Variants in DNMT1 observed in about 807,000 individuals in gnomAD.
The protein encoded by DNMT1 is DNA (cytosine-5)-methyltransferase 1.
DNMT1 carries 24 observed loss-of-function variants against 205.3 expected under a neutral mutation model. The ratio of observed to expected loss-of-function variants is 0.12; its 90% CI spans 0.08 to 0.16. DNMT1 has a LOEUF of 0.16. DNMT1 is among the 10% of genes least tolerant of loss of function. The probability of loss-of-function intolerance (pLI) is 1.00; values close to 1 mark genes in which losing one functional copy is unlikely to be tolerated. For synonymous variants in DNMT1, 817 were observed against 839.8 expected (o/e 0.97, Z 0.47); for missense variants, 1,293 against 2,177.7 (o/e 0.59, Z 8.09).
chr19:10,153,577 C>T (rs550357803), intron 22 of DNMT1, among the ~76,000 whole-genome samples: 2 of 149,988 alleles, frequency 1.3e-5, no homozygotes, highest in Non-Finnish European at 3.0e-5. Context: ...GCGGAGGTTA[C>T]GGTGAGCTGA....
intron 9 of DNMT1, 84 bp from the exon 10 acceptor site, chr19:10,168,448 C>A: frequency 7.1e-7 from 1 of 1,413,032 alleles, no homozygotes; most frequent in Non-Finnish European, 1.0e-6. Flanking sequence ...AAATAAAACA[C>A]CTGAACTGAT....
Position 10,146,671 on chromosome 19 carries a change from C to CTTTGTGTTGACAT in DNMT1, c.2721-160_2721-148dup, listed in dbSNP as rs2038211066. 9.5e-7 allele frequency: 1 copy of CTTTGTGTTGACAT among 1,048,810 alleles called. No individual in the cohort carries two copies. The highest frequency in any genetic ancestry group is 2.6e-5 in the East Asian group (1 of 38,710). The allele number at this position is 1,048,810 out of a possible 1,614,324, so 65.0% of individuals were successfully genotyped here. On this transcript the variant is annotated intron_variant, in intron 27 of 40. Transcript: ENST00000359526. The surrounding 1 kb of genome is among the most constrained non-coding windows in gnomAD (Gnocchi z 4.4). ...AGAAGGAAGAGGTGGCTTTCTTGTG[C>CTTTGTGTTGACAT]TTTGTGTTGACATTTTGAAGGCACT...
chr19:10,135,648 GA>G, intron 39 of DNMT1, 87 bp downstream of exon 39: 1 of 1,421,670 alleles, frequency 7.0e-7, no homozygotes, highest in Non-Finnish European at 9.6e-7. Flanking sequence ...CGTCCTCCCG[GA>G]AGTGACTGCG....
At chr19:10,188,385 C>G (rs144778381) in intron 1 of DNMT1, among the ~76,000 whole-genome samples, 3,032 of 152,102 alleles carry the variant, frequency 0.02, 46 homozygotes, top group Non-Finnish European at 0.028. Context: ...ACTAAAAATA[C>G]AAAAATTAAC....
At chr19:10,190,450 G>T (rs1211493827) in intron 1 of DNMT1, among the ~76,000 whole-genome samples, 4 of 152,100 alleles carry the variant, frequency 2.6e-5, no homozygotes, top group African/African-American at 9.7e-5. Flanking sequence ...AAGCCTAGCT[G>T]TCTGAGAGCA....
intron 11 of DNMT1, among the ~76,000 whole-genome samples, chr19:10,163,654 C>T (rs985687337): frequency 7.2e-5 from 11 of 152,216 alleles, no homozygotes; most frequent in Admixed American, 5.9e-4. Flanking sequence ...TTGCTGACCA[C>T]GTGGTCTGTG....
Position 10,133,599 on chromosome 19 carries a change from T to TA in DNMT1, c.*67dup. The TA allele has an allele frequency of 6.5e-7, 1 of 1,540,962 alleles. No homozygotes were observed. Among genetic ancestry groups the TA allele is most frequent in the Non-Finnish European group, 8.8e-7 (1 of 1,133,540 alleles). ...CATGTGAACGGACAGATTGACATGTTAAAAACACAACATCAGTGCATGTTG... is the reference window on the plus strand; with the variant it reads ...CATGTGAACGGACAGATTGACATGTTAAAAAACACAACATCAGTGCATGTTG... On this transcript the variant is annotated 3_prime_UTR_variant, in exon 41 of 41. Transcript: ENST00000359526. This position sits in a 1 kb window ranked among gnomAD's most constrained non-coding sequence, Gnocchi z 4.1.
At chr19:10,165,096 T>C (rs1391761044) in intron 11 of DNMT1, among the ~76,000 whole-genome samples, 1 of 151,306 alleles carries the variant, frequency 6.6e-6, no homozygotes, top group Non-Finnish European at 1.5e-5. Flanking sequence ...CAAAACCCTA[T>C]CTCTACAAAA....
intron 22 of DNMT1, among the ~76,000 whole-genome samples, chr19:10,152,349 C>A (rs1353057820): frequency 1.3e-5 from 2 of 150,718 alleles, no homozygotes; most frequent in Admixed American, 1.3e-4. Context: ...TTAGGCTGGG[C>A]ATGGTGGCTC....
chr19:10,157,022 G>C (rs1286380194), intron 17 of DNMT1, among the ~76,000 whole-genome samples: 2 of 152,148 alleles, frequency 1.3e-5, no homozygotes, highest in Non-Finnish European at 2.9e-5. Flanking sequence ...ATGTGTGTCT[G>C]CAACAGCAAC....
intron 6 of DNMT1, among the ~76,000 whole-genome samples, chr19:10,176,484 T>A (rs1165149840): frequency 6.6e-6 from 1 of 152,178 alleles, no homozygotes; most frequent in African/African-American, 2.4e-5. Context: ...AAAACGTAAA[T>A]ACCAACTATA....
chr19:10,175,128 C>CACAT (rs1367311326), intron 7 of DNMT1, among the ~76,000 whole-genome samples: 36 of 100,662 alleles, frequency 3.6e-4, no homozygotes, highest in Non-Finnish European at 5.6e-4. Flanking sequence ...CACACACACA[C>CACAT]ATATATATAA....
intron 9 of DNMT1, among the ~76,000 whole-genome samples, chr19:10,170,797 T>C (rs1263043714): frequency 6.6e-6 from 1 of 152,072 alleles, no homozygotes; most frequent in African/African-American, 2.4e-5. Context: ...GTTTTGTTTG[T>C]TTGTTTGTTT....
Position 10,138,409 on chromosome 19 carries a change from G to A in DNMT1, c.4115+30C>T, listed in dbSNP as rs771522177. ...ATGAGCTACTGAGGCCTGCTCGGCA[G>A]TGTGTGGAGGAGCGACGGGGGCCAC... On this transcript the variant is annotated intron_variant, in intron 35 of 40. Transcript: ENST00000359526. The surrounding 1 kb of genome is among the most constrained non-coding windows in gnomAD (Gnocchi z 4.1). The A allele has an allele frequency of 1.9e-6, 3 of 1,613,680 alleles. No individual in the cohort carries two copies. The highest frequency in any genetic ancestry group is 2.2e-5 in the South Asian group (2 of 91,048).
At chr19:10,144,443 A>G in intron 28 of DNMT1, 1 of 255,378 alleles carries the variant, frequency 3.9e-6, no homozygotes, top group Non-Finnish European at 7.7e-6. Context: ...CTGCAGATTT[A>G]GTCTCACAGT....
intron 10 of DNMT1, among the ~76,000 whole-genome samples, chr19:10,167,975 T>G (rs976364984): frequency 6.6e-6 from 1 of 151,694 alleles, no homozygotes; most frequent in Non-Finnish European, 1.5e-5. Context: ...ATACGAAAAT[T>G]AGTTGGGCAT....
At chr19:10,141,242 C>CT (rs1233419226) in intron 30 of DNMT1, 53 bp from the exon 31 acceptor site, 1 of 1,576,188 alleles carries the variant, frequency 6.3e-7, no homozygotes, top group African/African-American at 1.3e-5. Context: ...TGTCCCCTCT[C>CT]TAACGCAGAC....
chr19:10,180,985 G>A (rs1214984569), intron 2 of DNMT1, 100 bp from the exon 3 acceptor site: 13 of 924,074 alleles, frequency 1.4e-5, no homozygotes, highest in Non-Finnish European at 2.3e-5. Context: ...ATCACAATGA[G>A]TGAATGGCAG....
At chr19:10,172,470 T>C (rs983566238) in intron 9 of DNMT1, among the ~76,000 whole-genome samples, 15 of 150,854 alleles carry the variant, frequency 9.9e-5, no homozygotes, top group African/African-American at 3.7e-4. Flanking sequence ...CACAAAGATC[T>C]CATCAGCCAG....
Sources: gnomAD v4.1 joint callset for allele counts (sites outside exome capture counted in the v4.1 genomes callset) on GRCh38, gnomAD v4.1.1 for gene constraint, Gnocchi (gnomAD v3.1) non-coding constraint, MANE v1.5 for transcripts, NCBI Gene and HGNC (gene_info 2026-07-23, HGNC 2026-07-21) for gene names.